Variants in HS6ST3 observed in about 807,000 individuals in gnomAD.
HS6ST3 encodes heparan-sulfate 6-O-sulfotransferase 3.
Under a neutral mutation model 36.7 loss-of-function variants are expected in HS6ST3, and 12 were observed. The observed-to-expected ratio is 0.33, with a 90% CI of 0.21 to 0.53. The LOEUF (loss-of-function observed/expected upper bound fraction) is 0.53, where lower values mean the gene tolerates loss of function less well. HS6ST3 is among the 20% of genes least tolerant of loss of function. The probability of loss-of-function intolerance (pLI) is 0.95; values close to 1 mark genes in which losing one functional copy is unlikely to be tolerated. For missense variants in HS6ST3, 584 were observed against 640.9 expected (o/e 0.91, Z 0.96); for synonymous variants, 240 against 257.5 (o/e 0.93, Z 0.65).
At chr13:96,100,219 C>G (rs537632852) in intron 1 of HS6ST3, among the ~76,000 whole-genome samples, 1 of 151,792 alleles carries the variant, frequency 6.6e-6, no homozygotes, top group Non-Finnish European at 1.5e-5. Flanking sequence ...GGGAAGTAAT[C>G]CACTATCCAG....
At chr13:96,279,929 A>G (rs1022922184) in intron 1 of HS6ST3, among the ~76,000 whole-genome samples, 1 of 152,174 alleles carries the variant, frequency 6.6e-6, no homozygotes, top group African/African-American at 2.4e-5. Context: ...TAATATTTTT[A>G]CAAGATATCT....
intron 1 of HS6ST3, among the ~76,000 whole-genome samples, chr13:96,808,768 G>A (rs1249433854): frequency 6.6e-6 from 1 of 152,180 alleles, no homozygotes; most frequent in Non-Finnish European, 1.5e-5. Context: ...AGATGAGGGA[G>A]CCCAGATTGC....
chr13:96,523,375 G>T (rs528877206), intron 1 of HS6ST3, among the ~76,000 whole-genome samples: 1 of 152,216 alleles, frequency 6.6e-6, no homozygotes, highest in Admixed American at 6.5e-5. Context: ...TATCTTTGTG[G>T]TGTTCTCTGT....
In HS6ST3 at chr13:96,328,453, C is replaced by G. The variant is rs1259866167; in HGVS notation, c.707+236884C>G. On this transcript the variant is annotated intron_variant, in intron 1 of 1. Transcript: ENST00000376705. ...ATTGAGATAATCATGTGGTTTTTGT[C>G]TTTGGCTCTGTTTATATGCTGGATT... Among the ~76,000 whole-genome samples the G allele has an allele frequency of 2.0e-5, 3 of 151,334 alleles. No homozygotes were observed. In the East Asian group the frequency reaches 5.8e-4, roughly 29 times the overall value.
intron 1 of HS6ST3, among the ~76,000 whole-genome samples, chr13:96,381,152 A>T (rs986412544): frequency 6.6e-6 from 1 of 152,242 alleles, no homozygotes; most frequent in Admixed American, 6.5e-5. Context: ...GCTCTTCCTT[A>T]TCCATGCTTG....
At chr13:96,757,648 A>G (rs1280997225) in intron 1 of HS6ST3, among the ~76,000 whole-genome samples, 2 of 152,032 alleles carry the variant, frequency 1.3e-5, no homozygotes, top group Non-Finnish European at 2.9e-5. Context: ...GTTTCTTTCT[A>G]TTGTAAGTTC....
chr13:96,296,742 T>C (rs1345657278), intron 1 of HS6ST3, among the ~76,000 whole-genome samples: 1 of 152,178 alleles, frequency 6.6e-6, no homozygotes, highest in East Asian at 1.9e-4. Flanking sequence ...TCCCAAGTTA[T>C]ATCTCTTTTA....
chr13:96,465,669 G>T (rs1051309484), intron 1 of HS6ST3, among the ~76,000 whole-genome samples: 2 of 152,074 alleles, frequency 1.3e-5, no homozygotes, highest in African/African-American at 4.8e-5. Context: ...AGAGTCTGAG[G>T]TAAAGTACAA....
intron 1 of HS6ST3, among the ~76,000 whole-genome samples, chr13:96,704,293 T>C (rs192123086): frequency 6.6e-6 from 1 of 152,284 alleles, no homozygotes; most frequent in East Asian, 1.9e-4. Context: ...GTTTCTAGAA[T>C]AAGTCCCAAC....
rs1447888239 is a variant in HS6ST3 at position 96,090,828 on chromosome 13, G to A, written c.-35G>A. 7 of 1,460,066 alleles carry A rather than the reference G, an allele frequency of 4.8e-6. No homozygotes were observed. Among genetic ancestry groups the A allele is most frequent in the Middle Eastern group, 1.9e-4 (1 of 5,338 alleles). 90.4% of individuals were successfully genotyped at this position (1,460,066 alleles called of 1,614,324 possible). On this transcript the variant is annotated 5_prime_UTR_variant, in exon 1 of 2. Transcript: ENST00000376705. ...GCCCGTCCGCCCTGCCGCCGCCGCC[G>A]CCGCCGCTTCGCCTGCCGGCCTGAG...
At chr13:96,147,570 C>T (rs1006275639) in intron 1 of HS6ST3, among the ~76,000 whole-genome samples, 2 of 152,190 alleles carry the variant, frequency 1.3e-5, no homozygotes, top group Non-Finnish European at 2.9e-5. Context: ...GGGTTTTCTC[C>T]AAGTACTCTG....
intron 1 of HS6ST3, among the ~76,000 whole-genome samples, chr13:96,773,630 TCTC>T (rs1877323367): frequency 6.6e-6 from 1 of 152,056 alleles, no homozygotes; most frequent in Non-Finnish European, 1.5e-5. Context: ...TCTCTAGATT[TCTC>T]CTCTCTGGGC....
At chr13:96,255,982 C>A (rs543953078) in intron 1 of HS6ST3, among the ~76,000 whole-genome samples, 1 of 152,198 alleles carries the variant, frequency 6.6e-6, no homozygotes, top group Non-Finnish European at 1.5e-5. Context: ...GTCCCATGAG[C>A]TTTTGATGTC....
chr13:96,109,491 T>C (rs1439878255), intron 1 of HS6ST3, among the ~76,000 whole-genome samples: 1 of 152,266 alleles, frequency 6.6e-6, no homozygotes, highest in Non-Finnish European at 1.5e-5. Flanking sequence ...GCATTGCTTA[T>C]GTGTGCAAGG....
intron 1 of HS6ST3, among the ~76,000 whole-genome samples, chr13:96,486,489 A>T (rs1228824760): frequency 3.9e-5 from 6 of 152,200 alleles, no homozygotes; most frequent in Non-Finnish European, 4.4e-5. Context: ...CCAACAGTGT[A>T]AATGTGTTCC....
At chr13:96,414,508 GT>G (rs2055523406) in intron 1 of HS6ST3, among the ~76,000 whole-genome samples, 1 of 152,096 alleles carries the variant, frequency 6.6e-6, no homozygotes, top group Non-Finnish European at 1.5e-5. Context: ...GTGTGACAGA[GT>G]TTTGCTCTTG....
At chr13:96,801,038 G>A (rs1231499136) in intron 1 of HS6ST3, among the ~76,000 whole-genome samples, 7 of 151,992 alleles carry the variant, frequency 4.6e-5, no homozygotes, top group South Asian at 2.1e-4. Flanking sequence ...CTAGAAATCC[G>A]TAGGTTCTCT....
chr13:96,390,969 G>A (rs2055392450), intron 1 of HS6ST3, among the ~76,000 whole-genome samples: 1 of 152,122 alleles, frequency 6.6e-6, no homozygotes. Context: ...TTCCATTGCA[G>A]CCACATATAA....
chr13:96,270,048 G>C (rs781010323), intron 1 of HS6ST3, among the ~76,000 whole-genome samples: 35 of 152,014 alleles, frequency 2.3e-4, no homozygotes, highest in Non-Finnish European at 4.7e-4. Flanking sequence ...AGACGTACCT[G>C]GTTATCTGTC....
Sources: gnomAD v4.1 joint callset for allele counts (sites outside exome capture counted in the v4.1 genomes callset) on GRCh38, gnomAD v4.1.1 for gene constraint, MANE v1.5 for transcripts, NCBI Gene and HGNC (gene_info 2026-07-23, HGNC 2026-07-21) for gene names.